Variants in MGAT5B observed in about 807,000 individuals in gnomAD.
MGAT5B encodes N-acetylglucosaminyl-transferase Vb.
In MGAT5B, 54 loss-of-function variants were observed where a neutral mutation model predicts 95.1. The observed-to-expected ratio is 0.57, with a 90% CI of 0.46 to 0.71. The LOEUF is 0.71. Among genes scored for constraint, MGAT5B ranks in the 30% least tolerant of loss-of-function variants. The pLI is 0.00. For synonymous variants in MGAT5B, 464 were observed against 451.0 expected, an observed-to-expected ratio of 1.03 and a Z score of -0.36; for missense variants, 935 against 1,088.6, an observed-to-expected ratio of 0.86 and a Z score of 1.99.
chr17:76,896,495 G>A (rs1968069209), intron 3 of MGAT5B, among the ~76,000 whole-genome samples: 1 of 152,154 alleles, frequency 6.6e-6, no homozygotes, highest in African/African-American at 2.4e-5. Flanking sequence ...CTCAGGAATG[G>A]GATGACTGCT....
At chr17:76,910,204 G>A (rs958326441) in intron 8 of MGAT5B, among the ~76,000 whole-genome samples, 9 of 152,142 alleles carry the variant, frequency 5.9e-5, no homozygotes, top group Non-Finnish European at 8.8e-5. Flanking sequence ...CCAGCTGTTC[G>A]CACTGTGCAG....
chr17:76,935,258 G>A (rs981593578), intron 12 of MGAT5B, among the ~76,000 whole-genome samples: 1 of 152,188 alleles, frequency 6.6e-6, no homozygotes, highest in Non-Finnish European at 1.5e-5. Flanking sequence ...TTTTCAATCC[G>A]TAGGTGGCAA....
chr17:76,943,484 G>T (rs1308297456), intron 15 of MGAT5B, among the ~76,000 whole-genome samples: 5 of 152,080 alleles, frequency 3.3e-5, no homozygotes, highest in Non-Finnish European at 7.4e-5. Flanking sequence ...AGCCTATCCC[G>T]CACCTTCCCA....
chr17:76,903,832 C>G (rs1968414754), intron 5 of MGAT5B, among the ~76,000 whole-genome samples: 1 of 152,218 alleles, frequency 6.6e-6, no homozygotes, highest in African/African-American at 2.4e-5. Flanking sequence ...TCCTTGGTGA[C>G]CATCTGGGAT....
intron 8 of MGAT5B, among the ~76,000 whole-genome samples, chr17:76,919,267 C>T (rs1969045224): frequency 6.6e-6 from 1 of 152,176 alleles, no homozygotes; most frequent in Non-Finnish European, 1.5e-5. Context: ...GCCAGTCCTT[C>T]CCTGGATATT....
intron 8 of MGAT5B, among the ~76,000 whole-genome samples, chr17:76,907,676 G>C (rs1421216188): frequency 6.6e-6 from 1 of 152,184 alleles, no homozygotes; most frequent in Non-Finnish European, 1.5e-5. Flanking sequence ...GACATTCTTG[G>C]ACATGTCACC....
chr17:76,926,466 A>T, intron 9 of MGAT5B, 131 bp from the exon 10 acceptor site: 1 of 858,482 alleles, frequency 1.2e-6, no homozygotes, highest in Non-Finnish European at 1.8e-6. Context: ...GTCCTAGTCC[A>T]AGTGCTAACA....
At chr17:76,873,659 C>T (rs186682262) in intron 2 of MGAT5B, among the ~76,000 whole-genome samples, 2 of 150,754 alleles carry the variant, frequency 1.3e-5, no homozygotes, top group African/African-American at 2.4e-5. Context: ...AGCTGGGAGC[C>T]CTCCTCCTGA....
intron 8 of MGAT5B, among the ~76,000 whole-genome samples, chr17:76,909,538 A>G (rs533163841): frequency 6.6e-6 from 1 of 152,326 alleles, no homozygotes; most frequent in African/African-American, 2.4e-5. Context: ...GCTCTGTAGC[A>G]CAGGAGTGTT....
At chr17:76,946,656 G>C (rs757379006) in intron 16 of MGAT5B, among the ~76,000 whole-genome samples, 2 of 152,256 alleles carry the variant, frequency 1.3e-5, no homozygotes, top group Non-Finnish European at 2.9e-5. Flanking sequence ...AGCACACTCC[G>C]GGCACTCCTG....
At chr17:76,926,521 C>T (rs1002441341) in intron 9 of MGAT5B, 76 bp from the exon 10 acceptor site, 12 of 1,454,740 alleles carry the variant, frequency 8.2e-6, no homozygotes, top group Admixed American at 8.0e-5. Flanking sequence ...TGACAGTGCT[C>T]GTGGCTGGGG....
chr17:76,946,085 C>T (rs905913795), intron 15 of MGAT5B, among the ~76,000 whole-genome samples: 2 of 148,790 alleles, frequency 1.3e-5, no homozygotes, highest in Admixed American at 6.8e-5. Context: ...GGGGACACAG[C>T]GCTGAGCTTT....
In MGAT5B at chr17:76,881,909, G is replaced by A. The variant is rs993681278; in HGVS notation, c.182-242G>A. ...TAGGAAATGATCCCAATGTCACATG[G>A]CTAGTGGGCAACGGGGCTGCCCAGG... On this transcript the variant is annotated intron_variant, in intron 2 of 17. Transcript: ENST00000569840. Among the ~76,000 whole-genome samples the A allele has an allele frequency of 3.3e-5, 5 of 152,234 alleles. No homozygotes were observed. In the East Asian group the frequency reaches 9.6e-4, roughly 29 times the overall value.
In MGAT5B at chr17:76,909,278, C is replaced by G. The variant is rs190395698; in HGVS notation, c.1025+3091C>G. ...GTGCCCGGCCTACTCTGCTATCTAA[C>G]GTAGAACTTATTCCTTCTATCTATC... On this transcript the variant is annotated intron_variant, in intron 8 of 17. Coordinates refer to ENST00000569840, the MANE Select transcript of MGAT5B (RefSeq NM_001199172.2). 3.9e-5 allele frequency among the ~76,000 whole-genome samples: 6 copies of G among 152,310 alleles called. No homozygotes were observed. In the East Asian group the frequency reaches 1.2e-3, roughly 29 times the overall value.
rs1968973682 is a variant in MGAT5B at position 76,917,342 on chromosome 17, GTGCC to G, written c.1026-7622_1026-7619del. ...TTCACTTTCTTGTTGGGTCTCGGGG[GTGCC>G]TTCCCACAGCAGGTATCTCGTCACC... On this transcript the variant is annotated intron_variant, in intron 8 of 17. Transcript: ENST00000569840. This position sits in a 1 kb window ranked among gnomAD's most constrained non-coding sequence, Gnocchi z 6.1. 6.6e-6 allele frequency among the ~76,000 whole-genome samples: 1 copy of G among 151,886 alleles called. No individual in the cohort carries two copies. The highest frequency in any genetic ancestry group is 1.5e-5 in the Non-Finnish European group (1 of 67,978).
chr17:76,880,093 G>A (rs1967352573), intron 2 of MGAT5B, among the ~76,000 whole-genome samples: 1 of 152,140 alleles, frequency 6.6e-6, no homozygotes, highest in South Asian at 2.1e-4. Flanking sequence ...CAGCTCTTGG[G>A]GTGGGGAGGA....
At chr17:76,876,707 T>A (rs939899765) in intron 2 of MGAT5B, among the ~76,000 whole-genome samples, 3 of 152,220 alleles carry the variant, frequency 2.0e-5, no homozygotes, top group Non-Finnish European at 2.9e-5. Flanking sequence ...CATGATAAAC[T>A]GCGTACTTTG....
chr17:76,902,723 G>T, intron 4 of MGAT5B, 53 bp downstream of exon 4: 1 of 1,300,960 alleles, frequency 7.7e-7, no homozygotes. Flanking sequence ...CAATGAACTG[G>T]GTGCTGGGTG....
At chr17:76,895,077 C>T (rs1394683236) in intron 3 of MGAT5B, among the ~76,000 whole-genome samples, 1 of 152,100 alleles carries the variant, frequency 6.6e-6, no homozygotes, top group Non-Finnish European at 1.5e-5. Flanking sequence ...GGCTGCTCCT[C>T]ATCGCTCGCG....
Sources: gnomAD v4.1 joint callset for allele counts (sites outside exome capture counted in the v4.1 genomes callset) on GRCh38, gnomAD v4.1.1 for gene constraint, Gnocchi (gnomAD v3.1) non-coding constraint, MANE v1.5 for transcripts, NCBI Gene and HGNC (gene_info 2026-07-23, HGNC 2026-07-21) for gene names.